The following RBFOX1 variants were observed in gnomAD, a reference collection of about 807,000 sequenced individuals.
The protein encoded by RBFOX1 is RNA binding protein fox-1 homolog 1.
Under a neutral mutation model 57.7 loss-of-function variants are expected in RBFOX1, and 8 were observed. The observed-to-expected ratio is 0.14, with a 90% CI of 0.08 to 0.25. The LOEUF (loss-of-function observed/expected upper bound fraction) is 0.25, where lower values mean the gene tolerates loss of function less well. RBFOX1 is among the 10% of genes least tolerant of loss of function. The pLI is 1.00. For missense variants in RBFOX1, 611 were observed against 548.5 expected (o/e 1.11, Z -1.14); for synonymous variants, 326 against 222.4 (o/e 1.47, Z -4.15).
At position 6,019,431 on chromosome 16, in the gene RBFOX1, G is replaced by C; in HGVS notation, c.-688G>C. The C allele has an allele frequency of 1.0e-6, 1 of 988,482 alleles. No homozygotes were observed. 61.2% of individuals were successfully genotyped at this position (988,482 alleles called of 1,614,324 possible). A position where few individuals can be genotyped will look rare whatever the true frequency, so the allele number is the denominator to read the frequency against. On this transcript the variant is annotated 5_prime_UTR_variant, in exon 1 of 16. Coordinates refer to ENST00000550418, the MANE Select transcript of RBFOX1 (RefSeq NM_018723.4). The surrounding 1 kb of genome is among the most constrained non-coding windows in gnomAD (Gnocchi z 4.2). ...GTGGCGGACGGCGGACGGAGCCCAGGGGCCGCGTCGGGTGGGGAAACCCGA... is the reference window on the plus strand; with the variant it reads ...GTGGCGGACGGCGGACGGAGCCCAGCGGCCGCGTCGGGTGGGGAAACCCGA...
At chr16:7,044,537 T>A (rs369014861) in intron 3 of RBFOX1, among the ~76,000 whole-genome samples, 1 of 152,194 alleles carries the variant, frequency 6.6e-6, no homozygotes, top group African/African-American at 2.4e-5. Flanking sequence ...TGCTGAAGTT[T>A]ATTGCTTCAG....
At chr16:5,963,357 A>T (rs2059786691) in intron 4 of RBFOX1, among the ~76,000 whole-genome samples, 1 of 152,240 alleles carries the variant, frequency 6.6e-6, no homozygotes, top group Non-Finnish European at 1.5e-5. Flanking sequence ...AGATAAAGAA[A>T]GTTCTGGAGT....
At chr16:6,998,476 AGAT>A (rs1454688093) in intron 3 of RBFOX1, among the ~76,000 whole-genome samples, 1 of 152,202 alleles carries the variant, frequency 6.6e-6, no homozygotes, top group East Asian at 1.9e-4. Context: ...TTTAGGGAAA[AGAT>A]GATGTCAGAG....
chr16:5,678,649 T>C (rs2050240439), intron 3 of RBFOX1, among the ~76,000 whole-genome samples: 1 of 152,174 alleles, frequency 6.6e-6, no homozygotes, highest in South Asian at 2.1e-4. Context: ...CGTAGGCAAG[T>C]GAGAACCTCA....
At chr16:6,814,929 T>A (rs900443634) in intron 3 of RBFOX1, among the ~76,000 whole-genome samples, 5 of 152,150 alleles carry the variant, frequency 3.3e-5, no homozygotes, top group Admixed American at 3.3e-4. Context: ...GCAAGTTTTT[T>A]AAGAAAATAC....
chr16:6,213,702 C>A (rs1045118741), intron 1 of RBFOX1, among the ~76,000 whole-genome samples: 1 of 152,160 alleles, frequency 6.6e-6, no homozygotes, highest in Non-Finnish European at 1.5e-5. Context: ...TCATTCTGTG[C>A]TTAAGAGCAA....
chr16:7,163,284 A>G (rs1429669067), intron 4 of RBFOX1, among the ~76,000 whole-genome samples: 1 of 152,204 alleles, frequency 6.6e-6, no homozygotes, highest in African/African-American at 2.4e-5. Context: ...AGGGGGTTGT[A>G]TAAACGTCAC....
intron 1 of RBFOX1, among the ~76,000 whole-genome samples, chr16:6,027,239 T>A (rs1266638077): frequency 6.6e-6 from 1 of 152,182 alleles, no homozygotes; most frequent in African/African-American, 2.4e-5. Flanking sequence ...TTTCATTAAC[T>A]CTTCATGGCA....
chr16:6,813,459 C>T (rs1240990305), intron 3 of RBFOX1, among the ~76,000 whole-genome samples: 1 of 152,196 alleles, frequency 6.6e-6, no homozygotes, highest in South Asian at 2.1e-4. Flanking sequence ...CCAGCTCCTT[C>T]TTAGGTTTTC....
At chr16:6,898,350 A>G (rs2153400580) in intron 3 of RBFOX1, among the ~76,000 whole-genome samples, 1 of 152,134 alleles carries the variant, frequency 6.6e-6, no homozygotes, top group East Asian at 1.9e-4. Flanking sequence ...TGAGGAGAGC[A>G]GTCAGAGGTG....
intron 4 of RBFOX1, among the ~76,000 whole-genome samples, chr16:5,967,039 G>A (rs996153452): frequency 7.9e-6 from 1 of 125,800 alleles, no homozygotes; most frequent in Admixed American, 9.4e-5. Flanking sequence ...ACCTGTTTTT[G>A]TAAATTAAGT....
At chr16:5,791,166 C>T (rs2054681797) in intron 3 of RBFOX1, among the ~76,000 whole-genome samples, 1 of 152,020 alleles carries the variant, frequency 6.6e-6, no homozygotes, top group Non-Finnish European at 1.5e-5. Flanking sequence ...CAGTGCCTGG[C>T]TTTTTTATTT....
intron 4 of RBFOX1, among the ~76,000 whole-genome samples, chr16:7,471,515 A>G (rs770177098): frequency 6.6e-6 from 1 of 152,198 alleles, no homozygotes; most frequent in Non-Finnish European, 1.5e-5. Context: ...ATAAGGTTGG[A>G]GCACATAGTC....
intron 1 of RBFOX1, among the ~76,000 whole-genome samples, chr16:5,443,593 G>C (rs993875123): frequency 1.3e-5 from 2 of 152,148 alleles, no homozygotes; most frequent in African/African-American, 2.4e-5. Flanking sequence ...TCCCACCTTG[G>C]CCTCCCAAAG....
At chr16:6,867,445 G>A (rs894194872) in intron 3 of RBFOX1, among the ~76,000 whole-genome samples, 25 of 151,970 alleles carry the variant, frequency 1.6e-4, no homozygotes, top group Non-Finnish European at 3.4e-4. Context: ...GGGGCCGGGT[G>A]TGGGGGCTCA....
intron 5 of RBFOX1, among the ~76,000 whole-genome samples, chr16:7,558,896 C>G (rs957651385): frequency 6.6e-6 from 1 of 152,206 alleles, no homozygotes; most frequent in African/African-American, 2.4e-5. Context: ...ATTCATATTC[C>G]TAGCAAATGC....
intron 4 of RBFOX1, among the ~76,000 whole-genome samples, chr16:7,387,774 C>G (rs375473680): frequency 6.6e-6 from 1 of 152,268 alleles, no homozygotes; most frequent in African/African-American, 2.4e-5. Context: ...AGCAAAGCCC[C>G]TCATCTTTTG....
At chr16:7,275,116 C>T (rs751950166) in intron 4 of RBFOX1, among the ~76,000 whole-genome samples, 1 of 151,900 alleles carries the variant, frequency 6.6e-6, no homozygotes, top group African/African-American at 2.4e-5. Flanking sequence ...TGTCTCTGAG[C>T]TTTTGCTTAT....
intron 4 of RBFOX1, among the ~76,000 whole-genome samples, chr16:7,365,430 G>A (rs2097423708): frequency 6.6e-6 from 1 of 152,162 alleles, no homozygotes; most frequent in Admixed American, 6.5e-5. Flanking sequence ...AGTTATTAAT[G>A]TTGAATTGCT....
Sources: allele counts gnomAD v4.1 joint callset (sites outside exome capture counted in the v4.1 genomes callset), GRCh38; gene constraint gnomAD v4.1.1; non-coding constraint Gnocchi (gnomAD v3.1); transcripts MANE v1.5; gene names NCBI Gene and HGNC (gene_info 2026-07-23, HGNC 2026-07-21).